Variants in ZCRB1 observed in about 807,000 individuals in gnomAD.
ZCRB1 encodes the protein zinc finger CCHC-type and RNA binding motif containing 1.
Under a neutral mutation model 29.9 loss-of-function variants are expected in ZCRB1, and 21 were observed. The observed-to-expected ratio is 0.70, with a 90% CI of 0.50 to 1.01. The LOEUF (loss-of-function observed/expected upper bound fraction) is 1.01, where lower values mean the gene tolerates loss of function less well. ZCRB1 is among the 50% of genes least tolerant of loss of function. ZCRB1 has a pLI of 0.00. For missense variants in ZCRB1, 204 were observed against 253.3 expected (o/e 0.81, Z 1.32); for synonymous variants, 77 against 80.0 (o/e 0.96, Z 0.20).
chr12:42,320,449 T>C (rs972849195), intron 3 of ZCRB1, among the ~76,000 whole-genome samples: 2 of 152,132 alleles, frequency 1.3e-5, no homozygotes, highest in Non-Finnish European at 2.9e-5. Context: ...ATTTGCTTTT[T>C]TCTTTTTTTT....
chr12:42,318,200 C>T (rs916220045), intron 3 of ZCRB1, among the ~76,000 whole-genome samples: 3 of 152,110 alleles, frequency 2.0e-5, no homozygotes, highest in Non-Finnish European at 4.4e-5. Context: ...CATGCTAACT[C>T]CCTCACCTTG....
Position 42,317,891 on chromosome 12 carries a change from T to C in ZCRB1, c.121A>G (p.Ile41Val). The part of the protein sequence containing the change: ...SKYGKVVKVT[I>V]MKDKDTRKSK... ...TTCCTGGTATCTTTATCTTTCATGATGGTAACCCTTAAAGCATAAACAAAG... is the reference window on the plus strand; with the variant it reads ...TTCCTGGTATCTTTATCTTTCATGACGGTAACCCTTAAAGCATAAACAAAG... Residue 41 changes from isoleucine to valine, a missense_variant, in exon 4 of 8, where the codon ATC (isoleucine) becomes GTC (valine). Transcript: ENST00000266529. 1 of 1,612,646 alleles carries C rather than the reference T, an allele frequency of 6.2e-7. No individual in the cohort carries two copies. Among genetic ancestry groups the C allele is most frequent in the Non-Finnish European group, 8.5e-7 (1 of 1,178,936 alleles).
At position 42,313,025 on chromosome 12, in the gene ZCRB1, A is replaced by C; in HGVS notation, c.*42T>G. 1 of 1,498,478 alleles carries C rather than the reference A, an allele frequency of 6.7e-7. No individual in the cohort carries two copies. Among genetic ancestry groups the C allele is most frequent in the Non-Finnish European group, 8.9e-7 (1 of 1,123,470 alleles). The allele number at this position is 1,498,478 out of a possible 1,614,324, so 92.8% of individuals were successfully genotyped here. A position where few individuals can be genotyped will look rare whatever the true frequency, so the allele number is the denominator to read the frequency against. ...TTAAAATTAGCTCTTCAAGATTGTTACTAACAAATCTTGATTTTTATTACT... is the reference window on the plus strand; with the variant it reads ...TTAAAATTAGCTCTTCAAGATTGTTCCTAACAAATCTTGATTTTTATTACT... On this transcript the variant is annotated 3_prime_UTR_variant, in exon 8 of 8. Coordinates refer to ENST00000266529, the MANE Select transcript of ZCRB1 (RefSeq NM_033114.4).
intron 5 of ZCRB1, among the ~76,000 whole-genome samples, chr12:42,316,388 C>T (rs140422156): frequency 0.013 from 1,978 of 152,300 alleles, 42 homozygotes; most frequent in African/African-American, 0.044. Flanking sequence ...GCGTGAGCCA[C>T]TGTGCCCGGC....
rs1255218882 is a variant in ZCRB1, at chr12:42,326,008, C to G, written c.-87G>C. 2.0e-5 allele frequency: 3 copies of G among 152,308 alleles called. No homozygotes were observed. The highest frequency in any genetic ancestry group is 4.4e-5 in the Non-Finnish European group (3 of 68,106). The allele number at this position is 152,308 out of a possible 1,614,324, so 9.4% of individuals were successfully genotyped here. On this transcript the variant is annotated 5_prime_UTR_variant, in exon 1 of 8. Coordinates refer to ENST00000266529, the MANE Select transcript of ZCRB1 (RefSeq NM_033114.4). ...TCAACCCCGACTCTTCGTAGCCGCT[C>G]GCAGCGGCCTTGGCATCACGAGTCC...
At chr12:42,316,198 G>A (rs1179690893) in intron 5 of ZCRB1, among the ~76,000 whole-genome samples, 1 of 151,992 alleles carries the variant, frequency 6.6e-6, no homozygotes, top group African/African-American at 2.4e-5. Context: ...GGGTTCAAGC[G>A]AGTCTCCTGC....
intron 1 of ZCRB1, among the ~76,000 whole-genome samples, chr12:42,324,840 G>A (rs554074490): frequency 6.6e-6 from 1 of 152,332 alleles, no homozygotes; most frequent in East Asian, 1.9e-4. Context: ...TACTGTATAT[G>A]TACATTACCT....
intron 3 of ZCRB1, among the ~76,000 whole-genome samples, chr12:42,320,500 G>A (rs1003780985): frequency 5.3e-5 from 8 of 152,040 alleles, no homozygotes; most frequent in African/African-American, 1.7e-4. Flanking sequence ...GTGCAGTGGT[G>A]TGATCTTGGT....
At chr12:42,322,288 A>C (rs1592104117) in intron 3 of ZCRB1, 130 bp downstream of exon 3, 1 of 942,302 alleles carries the variant, frequency 1.1e-6, no homozygotes. Flanking sequence ...AATTGTCATA[A>C]AAATGTTAAT....
At chr12:42,317,315 T>A (rs1318168257) in intron 5 of ZCRB1, 25 bp downstream of exon 5, 1 of 1,525,978 alleles carries the variant, frequency 6.6e-7, no homozygotes, top group African/African-American at 1.4e-5. Context: ...TATGGAAAGT[T>A]CCATTAAGTT....
At position 42,324,013 on chromosome 12, in the gene ZCRB1, A is replaced by G; in HGVS notation, c.84+6T>C. 1 of 1,611,764 alleles carries G rather than the reference A, an allele frequency of 6.2e-7. No homozygotes were observed. The highest frequency in any genetic ancestry group is 8.5e-7 in the Non-Finnish European group (1 of 1,177,894). On this transcript the variant is annotated splice_donor_region_variant and intron_variant, in intron 2 of 7. Coordinates refer to ENST00000266529, the MANE Select transcript of ZCRB1 (RefSeq NM_033114.4). Reference sequence around the variant, plus strand: ...AAATAGCAGTCACTCGATAAGATTTACTTACCCGGTACAAGTCATTGTTTG... The same window carrying G: ...AAATAGCAGTCACTCGATAAGATTTGCTTACCCGGTACAAGTCATTGTTTG...
intron 4 of ZCRB1, 24 bp from the exon 5 acceptor site, chr12:42,317,471 G>A (rs777061533): frequency 2.0e-6 from 3 of 1,512,668 alleles, no homozygotes; most frequent in East Asian, 4.5e-5. Flanking sequence ...AAATGTAAAT[G>A]TAGAATGTAT....
chr12:42,323,107 C>G (rs560174278), intron 2 of ZCRB1, among the ~76,000 whole-genome samples: 2 of 152,176 alleles, frequency 1.3e-5, no homozygotes, highest in Admixed American at 1.3e-4. Flanking sequence ...ACTAAGAGTT[C>G]CTATTATATA....
rs1252265541 is a variant in ZCRB1, at chr12:42,312,509, T to C, written c.*558A>G. The C allele has an allele frequency of 6.6e-6, 1 of 152,202 alleles. No individual in the cohort carries two copies. The highest frequency in any genetic ancestry group is 1.9e-4 in the East Asian group (1 of 5,206). The allele number at this position is 152,202 out of a possible 1,614,324, so 9.4% of individuals were successfully genotyped here. A position where few individuals can be genotyped will look rare whatever the true frequency, so the allele number is the denominator to read the frequency against. On this transcript the variant is annotated 3_prime_UTR_variant, in exon 8 of 8. Coordinates refer to ENST00000266529, the MANE Select transcript of ZCRB1 (RefSeq NM_033114.4). ...AGAAGTATAAGAGATTGAATAATTCTCCTTTATTCTTTTATTAAGTGACTG... is the reference window on the plus strand; with the variant it reads ...AGAAGTATAAGAGATTGAATAATTCCCCTTTATTCTTTTATTAAGTGACTG...
At chr12:42,313,808 T>C (rs2068580637) in intron 6 of ZCRB1, 43 bp from the exon 7 acceptor site, 1 of 1,612,126 alleles carries the variant, frequency 6.2e-7, no homozygotes, top group Non-Finnish European at 8.5e-7. Context: ...CAACCAATAA[T>C]CAAAAGCAAC....
chr12:42,315,493 G>A (rs1185243268), intron 5 of ZCRB1, among the ~76,000 whole-genome samples: 1 of 152,092 alleles, frequency 6.6e-6, no homozygotes, highest in East Asian at 1.9e-4. Flanking sequence ...ATCTGAAACT[G>A]TTTTGGAATA....
intron 5 of ZCRB1, among the ~76,000 whole-genome samples, chr12:42,315,641 A>G (rs998528057): frequency 2.6e-5 from 4 of 152,216 alleles, no homozygotes; most frequent in South Asian, 2.1e-4. Flanking sequence ...TGTAAAAAAT[A>G]TAACAACTCT....
chr12:42,322,358 G>T, intron 3 of ZCRB1, 60 bp downstream of exon 3: 1 of 1,384,446 alleles, frequency 7.2e-7, no homozygotes. Context: ...TTAAAAAAAT[G>T]TAGAAGCAAA....
At chr12:42,322,325 G>A in intron 3 of ZCRB1, 93 bp downstream of exon 3, 1 of 1,201,254 alleles carries the variant, frequency 8.3e-7, no homozygotes, top group Non-Finnish European at 1.1e-6. Flanking sequence ...TATCAAGCAT[G>A]TTTTATTTTT....
Sources: allele counts gnomAD v4.1 joint callset (sites outside exome capture counted in the v4.1 genomes callset), GRCh38; gene constraint gnomAD v4.1.1; transcripts MANE v1.5; gene names NCBI Gene and HGNC (gene_info 2026-07-23, HGNC 2026-07-21).